The following DOCK1 variants were observed in gnomAD, a reference collection of about 807,000 sequenced individuals.
The protein encoded by DOCK1 is dedicator of cytokinesis 1.
In DOCK1, 138 loss-of-function variants were observed where a neutral mutation model predicts 262.7. That is an observed-to-expected ratio of 0.53 (90% CI 0.46 to 0.61). The LOEUF is 0.61. DOCK1 is among the 20% of genes least tolerant of loss of function. The pLI is 0.00. For synonymous variants in DOCK1, 866 were observed against 867.4 expected, an observed-to-expected ratio of 1.00 and a Z score of 0.03; for missense variants, 1,908 against 2,370.7, an observed-to-expected ratio of 0.80 and a Z score of 4.05.
At chr10:127,093,219 TTTTCTTTC>T (rs1554883889) in intron 23 of DOCK1, among the ~76,000 whole-genome samples, 2 of 62,904 alleles carry the variant, frequency 3.2e-5, no homozygotes, top group South Asian at 4.3e-4. Context: ...TCTTTCTTTC[TTTTCTTTC>T]TTTCTTTCTT....
intron 29 of DOCK1, among the ~76,000 whole-genome samples, chr10:127,328,131 AAAAAAAAAAAAT>A (rs903105976): frequency 6.6e-5 from 10 of 151,862 alleles, no homozygotes; most frequent in Admixed American, 1.3e-4. Context: ...AAAAAAAAAA[AAAAAAAAAAAAT>A]CGGTCTCAGT....
At chr10:127,430,787 C>G (rs1591030567) in intron 47 of DOCK1, among the ~76,000 whole-genome samples, 1 of 152,176 alleles carries the variant, frequency 6.6e-6, no homozygotes, top group African/African-American at 2.4e-5. Context: ...TTCAGCCAAC[C>G]CCTTCAACCC....
At chr10:127,193,178 C>T (rs2134126297) in intron 27 of DOCK1, among the ~76,000 whole-genome samples, 1 of 152,222 alleles carries the variant, frequency 6.6e-6, no homozygotes, top group East Asian at 1.9e-4. Flanking sequence ...TGTAGGTCTC[C>T]AACCAGTGGA....
intron 1 of DOCK1, among the ~76,000 whole-genome samples, chr10:126,925,439 A>G (rs1021499719): frequency 2.6e-5 from 4 of 152,204 alleles, no homozygotes; most frequent in Admixed American, 6.5e-5. Flanking sequence ...GCTGCAGGGC[A>G]GTGGCACGAT....
At chr10:127,006,768 G>A (rs1436072177) in intron 10 of DOCK1, among the ~76,000 whole-genome samples, 1 of 152,142 alleles carries the variant, frequency 6.6e-6, no homozygotes, top group Non-Finnish European at 1.5e-5. Flanking sequence ...CTGGGCACTG[G>A]GGATGTGGCA....
chr10:126,979,974 C>T (rs1036502332), intron 3 of DOCK1, among the ~76,000 whole-genome samples: 1 of 152,108 alleles, frequency 6.6e-6, no homozygotes. Flanking sequence ...TCATGATTCT[C>T]CAGTGGGTTT....
At chr10:127,266,877 C>G (rs2060380505) in intron 29 of DOCK1, among the ~76,000 whole-genome samples, 1 of 152,268 alleles carries the variant, frequency 6.6e-6, no homozygotes, top group African/African-American at 2.4e-5. Context: ...CCCAGAGTCC[C>G]CAGTTTGCAG....
intron 6 of DOCK1, among the ~76,000 whole-genome samples, chr10:126,990,972 G>C (rs1272951457): frequency 6.6e-6 from 1 of 152,144 alleles, no homozygotes; most frequent in Non-Finnish European, 1.5e-5. Context: ...ACAAGCAACA[G>C]GTTTCTTTCT....
At chr10:126,950,056 A>T (rs1183537342) in intron 1 of DOCK1, among the ~76,000 whole-genome samples, 1 of 149,458 alleles carries the variant, frequency 6.7e-6, no homozygotes. Context: ...TCTAAGCCTC[A>T]TTTTTTTTTT....
Position 127,384,800 on chromosome 10 carries a change from A to ATG in DOCK1, c.3827_3828dup (p.Ala1277TrpfsTer18). 1 of 1,586,848 alleles carries ATG rather than the reference A, an allele frequency of 6.3e-7. No individual in the cohort carries two copies. ...ATGCTTCTCCCTTAGTGGTCGGAGGATGTGTGTGTGGCCCACCTCACCCAG... is the reference window on the plus strand; with the variant it reads ...ATGCTTCTCCCTTAGTGGTCGGAGGATGTGTGTGTGTGGCCCACCTCACCCAG... On this transcript the variant is annotated frameshift_variant, in exon 38 of 52. Coordinates refer to ENST00000623213, the MANE Select transcript of DOCK1 (RefSeq NM_001290223.2). LOFTEE classifies it high-confidence loss of function.
intron 27 of DOCK1, among the ~76,000 whole-genome samples, chr10:127,193,360 A>G (rs921980702): frequency 6.6e-6 from 1 of 152,202 alleles, no homozygotes; most frequent in Non-Finnish European, 1.5e-5. Context: ...CTTGGATGCT[A>G]TGGACGCGTT....
intron 29 of DOCK1, among the ~76,000 whole-genome samples, chr10:127,285,946 C>A (rs2061137189): frequency 6.6e-6 from 1 of 152,202 alleles, no homozygotes; most frequent in South Asian, 2.1e-4. Flanking sequence ...GAGCCTGAGG[C>A]TGGCTCCCCA....
At chr10:127,418,329 G>C in intron 44 of DOCK1, 36 bp from the exon 45 acceptor site, 2 of 1,559,876 alleles carry the variant, frequency 1.3e-6, no homozygotes, top group Non-Finnish European at 1.7e-6. Flanking sequence ...GGAGGCAGCT[G>C]TGGGGCTGAC....
At chr10:127,270,700 A>G (rs1158793602) in intron 29 of DOCK1, among the ~76,000 whole-genome samples, 1 of 152,058 alleles carries the variant, frequency 6.6e-6, no homozygotes, top group African/African-American at 2.4e-5. Flanking sequence ...TTCCTTTCCA[A>G]CAAGACTTCA....
At chr10:127,263,264 A>C (rs2060236675) in intron 29 of DOCK1, among the ~76,000 whole-genome samples, 1 of 91,596 alleles carries the variant, frequency 1.1e-5, no homozygotes, top group African/African-American at 4.8e-5. Context: ...ACGTCTCCCT[A>C]GCATTGTCAT....
chr10:127,292,461 T>C (rs1564969400), intron 29 of DOCK1, among the ~76,000 whole-genome samples: 1 of 152,074 alleles, frequency 6.6e-6, no homozygotes, highest in South Asian at 2.1e-4. Flanking sequence ...TTTCTGGCTG[T>C]TTACAAGGGA....
At chr10:127,363,902 C>A (rs1294051868) in intron 33 of DOCK1, among the ~76,000 whole-genome samples, 1 of 152,178 alleles carries the variant, frequency 6.6e-6, no homozygotes, top group Non-Finnish European at 1.5e-5. Context: ...AATCACTCAA[C>A]ATCTTTTAAG....
Position 127,335,714 on chromosome 10 carries a change from AT to A in DOCK1, c.3045-3277del, listed in dbSNP as rs772026364. ...AGGTGCACACCACCAGGCCCAGCTA[AT>A]TTTTTTTTTTTTTTCTTGAGATGGA... On this transcript the variant is annotated intron_variant, in intron 29 of 51. Coordinates refer to ENST00000623213, the MANE Select transcript of DOCK1 (RefSeq NM_001290223.2). Among the ~76,000 whole-genome samples, 1,251 of 134,422 alleles carry A rather than the reference AT, an allele frequency of 9.3e-3. 7 individuals carry two copies. The highest frequency in any genetic ancestry group is 0.015 in the Admixed American group (196 of 13,324). The allele number at this position is 134,422 out of a possible 152,430, so 88.2% of individuals were successfully genotyped here. A position where few individuals can be genotyped will look rare whatever the true frequency, so the allele number is the denominator to read the frequency against.
intron 1 of DOCK1, among the ~76,000 whole-genome samples, chr10:126,960,745 T>TATATATATAC (rs1429186588): frequency 7.8e-5 from 9 of 115,530 alleles, no homozygotes; most frequent in South Asian, 2.4e-4. Flanking sequence ...TATATATATA[T>TATATATATAC]ACACACACAC....
Sources: allele counts gnomAD v4.1 joint callset (sites outside exome capture counted in the v4.1 genomes callset), GRCh38; gene constraint gnomAD v4.1.1; transcripts MANE v1.5; gene names NCBI Gene and HGNC (gene_info 2026-07-23, HGNC 2026-07-21).